The following ERLIN2 variants were observed in gnomAD, a reference collection of about 807,000 sequenced individuals.
ERLIN2 encodes ER lipid raft associated 2.
In ERLIN2, 22 loss-of-function variants were observed where a neutral mutation model predicts 41.5. The ratio of observed to expected loss-of-function variants is 0.53; its 90% CI spans 0.38 to 0.76. The LOEUF (loss-of-function observed/expected upper bound fraction) is 0.76. Ranked by LOEUF, ERLIN2 falls within the 30% of genes least tolerant of loss-of-function variation. ERLIN2 has a pLI of 0.00. For missense variants in ERLIN2, 247 were observed against 414.3 expected (o/e 0.60, Z 3.51); for synonymous variants, 149 against 150.9 (o/e 0.99, Z 0.09).
At chr8:37,752,955 G>A (rs548028081) in intron 10 of ERLIN2, among the ~76,000 whole-genome samples, 3 of 152,276 alleles carry the variant, frequency 2.0e-5, no homozygotes, top group Non-Finnish European at 4.4e-5. Flanking sequence ...TGTTATGTTC[G>A]TGGCATTCAG....
At chr8:37,740,304 T>C (rs1219680077) in intron 2 of ERLIN2, 61 bp from the exon 3 acceptor site, 7 of 1,138,110 alleles carry the variant, frequency 6.2e-6, no homozygotes, top group African/African-American at 6.1e-5. Context: ...CCTCATGATA[T>C]TGATCTAACA....
intron 8 of ERLIN2, 85 bp from the exon 9 acceptor site, chr8:37,750,310 C>G: frequency 9.4e-7 from 1 of 1,065,288 alleles, no homozygotes; most frequent in Non-Finnish European, 1.4e-6. Flanking sequence ...GTTTGCCTCT[C>G]TTCAGCAGAA....
chr8:37,747,421 C>CTCA lies in ERLIN2; in HGVS notation c.425-2136_425-2134dup, dbSNP rs1306062604. 2.5e-6 allele frequency: 4 copies of CTCA among 1,607,426 alleles called. No homozygotes were observed. The Admixed American group carries it at 6.7e-5, about 27-fold the overall frequency. ...AGCCAGCTCTTGCAGTGGCCTCTTGCTCATGCCTTTGCGCTCCAGCTGTTT... is the reference window on the plus strand; with the variant it reads ...AGCCAGCTCTTGCAGTGGCCTCTTGCTCATCATGCCTTTGCGCTCCAGCTGTTT... On this transcript the variant is annotated intron_variant, in intron 6 of 11. Transcript: ENST00000519638.
chr8:37,754,030 T>C lies in ERLIN2; in HGVS notation c.935T>C (p.Val312Ala). The C allele has an allele frequency of 6.2e-7, 1 of 1,614,068 alleles. No individual in the cohort carries two copies. The change falls in exon 12 of 12, where the codon GTG (valine) becomes GCG (alanine). Residue 312 changes from valine to alanine, a missense_variant. By Grantham distance (64) the Val-to-Ala change is moderately conservative. Transcript: ENST00000519638. Reference sequence around the variant, plus strand: ...ATGTTCATGGACTCTGCGGGCAGTGTGAGCAAGCAGTTTGAGGGGCTAGCT... The same window carrying C: ...ATGTTCATGGACTCTGCGGGCAGTGCGAGCAAGCAGTTTGAGGGGCTAGCT... ...PNMFMDSAGS[V>A]SKQFEGLADK...
At chr8:37,745,656 AT>A in intron 6 of ERLIN2, 1 of 1,613,656 alleles carries the variant, frequency 6.2e-7, no homozygotes. Flanking sequence ...ACTCATCCAC[AT>A]CGCCAGCAAT....
At chr8:37,753,850 A>C in intron 11 of ERLIN2, 65 bp from the exon 12 acceptor site, 16 of 1,346,686 alleles carry the variant, frequency 1.2e-5, no homozygotes, top group East Asian at 2.3e-5. Flanking sequence ...TTGAAGGGGC[A>C]CCACTCCCCT....
At position 37,754,441 on chromosome 8, in the gene ERLIN2, A is replaced by C. The variant is rs986503983; in HGVS notation, c.*326A>C. On this transcript the variant is annotated 3_prime_UTR_variant, in exon 12 of 12. Transcript: ENST00000519638. ...TGTCATTAAGGAGAGGGAGAAATGT[A>C]GAGTGTTACCTCCAACTCATTTGAT... is the stretch of plus-strand genomic sequence containing the variant. 2 of 373,210 alleles carry C rather than the reference A, an allele frequency of 5.4e-6. No individual in the cohort carries two copies. Among genetic ancestry groups the C allele is most frequent in the Non-Finnish European group, 5.1e-6 (1 of 194,492 alleles). 23.1% of individuals were successfully genotyped at this position (373,210 alleles called of 1,614,324 possible).
Position 37,757,428 on chromosome 8 carries a change from GC to G in ERLIN2, c.*3315del, listed in dbSNP as rs1477367587. On this transcript the variant is annotated 3_prime_UTR_variant, in exon 12 of 12. Coordinates refer to ENST00000519638, the MANE Select transcript of ERLIN2 (RefSeq NM_007175.8). ...TGTATTTCCATTCCTTTTTATTTCTGCCTTTGTGTAGACTGATGATTAAGTA... is the reference window on the plus strand; with the variant it reads ...TGTATTTCCATTCCTTTTTATTTCTGCTTTGTGTAGACTGATGATTAAGTA... The G allele has an allele frequency of 1.3e-5, 2 of 150,210 alleles. No individual in the cohort carries two copies. Among genetic ancestry groups the G allele is most frequent in the African/African-American group, 4.9e-5 (2 of 40,742 alleles). 9.3% of individuals were successfully genotyped at this position (150,210 alleles called of 1,614,324 possible). A position where few individuals can be genotyped will look rare whatever the true frequency, so the allele number is the denominator to read the frequency against.
chr8:37,751,771 G>T, intron 10 of ERLIN2, 56 bp downstream of exon 10: 2 of 1,354,118 alleles, frequency 1.5e-6, no homozygotes, highest in Non-Finnish European at 2.1e-6. Flanking sequence ...CCTGTGGCCA[G>T]TGGGTTGGGG....
rs1803294308 is a variant in ERLIN2 at position 37,753,941 on chromosome 8, G to A, written c.846G>A (p.Gln282=). The change falls in exon 12 of 12, where the codon CAG becomes CAA. Residue 282 remains glutamine, a synonymous_variant. Coordinates refer to ENST00000519638, the MANE Select transcript of ERLIN2 (RefSeq NM_007175.8). The stretch of plus-strand genomic sequence containing the variant: ...TGAAGCTAACCCCTGAATATCTGCA[G>A]CTGATGAAGTACAAGGCCATTGCTT... The part of the protein sequence containing the change: ...NKLKLTPEYL[Q]LMKYKAIASN... 3 of 1,613,128 alleles carry A rather than the reference G, an allele frequency of 1.9e-6. No homozygotes were observed. Among genetic ancestry groups the A allele is most frequent in the Non-Finnish European group, 2.5e-6 (3 of 1,179,722 alleles).
intron 6 of ERLIN2, 109 bp from the exon 7 acceptor site, chr8:37,749,450 G>T: frequency 1.2e-6 from 1 of 807,192 alleles, no homozygotes. Flanking sequence ...CACTCCCTTG[G>T]GAAAGTACAT....
Position 37,748,060 on chromosome 8 carries a change from G to GACGTC in ERLIN2, c.425-1495_425-1491dup, listed in dbSNP as rs1803117182. 1.3e-5 allele frequency: 19 copies of GACGTC among 1,438,600 alleles called. 1 individual carries two copies. In the East Asian group the frequency reaches 4.3e-4, roughly 33 times the overall value. The allele number at this position is 1,438,600 out of a possible 1,614,324, so 89.1% of individuals were successfully genotyped here. On this transcript the variant is annotated intron_variant, in intron 6 of 11. Transcript: ENST00000519638. Reference sequence around the variant, plus strand: ...GCAAAGAAGAGGGTCGCGCCGAAATGACGTCACGAGCGCGCCTTGCGCCTT... The same window carrying GACGTC: ...GCAAAGAAGAGGGTCGCGCCGAAATGACGTCACGTCACGAGCGCGCCTTGCGCCTT...
At position 37,737,974 on chromosome 8, in the gene ERLIN2, T is replaced by C. The variant is rs1802712943; in HGVS notation, c.52T>C (p.Ser18Pro). Residue 18 changes from serine to proline, a missense_variant, in exon 2 of 12, where the codon TCT (serine) becomes CCT (proline). Physicochemically the swap from Ser to Pro is moderately conservative, Grantham distance 74. Around this residue, in one of 3 missense-constraint regions of ERLIN2, gnomAD observed 93 missense variants for 139.0 expected, o/e 0.67. Coordinates refer to ENST00000519638, the MANE Select transcript of ERLIN2 (RefSeq NM_007175.8). ...TGTGGCTTCCAGTTTCTTTTGTGCATCTCTCTTCTCAGCTGTGCACAAGAT... is the reference window on the plus strand; with the variant it reads ...TGTGGCTTCCAGTTTCTTTTGTGCACCTCTCTTCTCAGCTGTGCACAAGAT... ...VAVASSFFCA[S>P]LFSAVHKIEE... The C allele has an allele frequency of 6.2e-7, 1 of 1,613,946 alleles. No individual in the cohort carries two copies. Among genetic ancestry groups the C allele is most frequent in the African/African-American group, 1.3e-5 (1 of 74,914 alleles).
chr8:37,751,631 GA>G lies in ERLIN2; in HGVS notation c.660del (p.Val221TrpfsTer13). On this transcript the variant is annotated frameshift_variant, in exon 10 of 12. Coordinates refer to ENST00000519638, the MANE Select transcript of ERLIN2 (RefSeq NM_007175.8). LOFTEE classifies it high-confidence loss of function. ...CCTCACTATCATTTATTCAGAGGCA[GA>G]AAAAGTGGCCCAGGTGGCTGAGATC... ...TERKKALIEA[E>X]KVAQVAEITY... 1 of 1,613,152 alleles carries G rather than the reference GA, an allele frequency of 6.2e-7. No individual in the cohort carries two copies. Among genetic ancestry groups the G allele is most frequent in the East Asian group, 2.2e-5 (1 of 44,882 alleles).
chr8:37,747,664 A>G, intron 6 of ERLIN2: 2 of 1,598,976 alleles, frequency 1.3e-6, no homozygotes, highest in East Asian at 2.2e-5. Flanking sequence ...TCCATCCACA[A>G]TGAAGGTAAC....
chr8:37,753,609 C>T, intron 11 of ERLIN2, 80 bp downstream of exon 11: 1 of 1,258,482 alleles, frequency 7.9e-7, no homozygotes, highest in Non-Finnish European at 1.2e-6. Context: ...GTGTTGAGCG[C>T]CTGCCACCAC....
At chr8:37,740,584 T>C (rs1802817049) in intron 3 of ERLIN2, 138 bp downstream of exon 3, 1 of 256,452 alleles carries the variant, frequency 3.9e-6, no homozygotes, top group Non-Finnish European at 7.4e-6. Flanking sequence ...ATACATATTA[T>C]ATATATATAA....
intron 6 of ERLIN2, among the ~76,000 whole-genome samples, chr8:37,747,157 T>C (rs1803078792): frequency 6.6e-6 from 1 of 152,110 alleles, no homozygotes; most frequent in African/African-American, 2.4e-5. Context: ...ATCCATCTCC[T>C]AGAAAGCAGG....
At chr8:37,738,212 T>C (rs1429656523) in intron 2 of ERLIN2, among the ~76,000 whole-genome samples, 183 bp downstream of exon 2, 1 of 152,210 alleles carries the variant, frequency 6.6e-6, no homozygotes, top group Admixed American at 6.5e-5. Flanking sequence ...CACACATATA[T>C]ATGTAAATTT....
Sources: gnomAD v4.1 joint callset for allele counts (sites outside exome capture counted in the v4.1 genomes callset) on GRCh38, gnomAD v4.1.1 for gene constraint, gnomAD v4.1.1 regional missense constraint, MANE v1.5 for transcripts, NCBI Gene and HGNC (gene_info 2026-07-23, HGNC 2026-07-21) for gene names.